The following JPH3 variants were observed in gnomAD, a reference collection of about 807,000 sequenced individuals.
The protein encoded by JPH3 is junctophilin 3, also known as junctophilin-3.
A neutral mutation model predicts 59.6 loss-of-function variants in JPH3; 11 were observed. The ratio of observed to expected loss-of-function variants is 0.18; its 90% CI spans 0.12 to 0.31. JPH3 has a LOEUF of 0.31. Among genes scored for constraint, JPH3 ranks in the 10% least tolerant of loss-of-function variants. The pLI, the probability that JPH3 is intolerant of heterozygous loss-of-function variation, is 1.00. For missense variants in JPH3, 1,202 were observed against 1,105.7 expected (o/e 1.09, Z -1.24); for synonymous variants, 673 against 483.6 (o/e 1.39, Z -5.14).
At position 87,642,436 on chromosome 16, in the gene JPH3, A is replaced by C. The variant is rs892278374; in HGVS notation, c.383-1822A>C. On this transcript the variant is annotated intron_variant, in intron 1 of 4. Transcript: ENST00000284262. ...CCTCATTTTTCAGGAGACAGAAGAG[A>C]GCTGAATTTTTATGTCAAATCTCTT... is the stretch of plus-strand genomic sequence containing the variant. Among the ~76,000 whole-genome samples, 18 of 152,310 alleles carry C rather than the reference A, an allele frequency of 1.2e-4. No individual in the cohort carries two copies. The East Asian group carries it at 3.5e-3, about 29-fold the overall frequency.
intron 2 of JPH3, among the ~76,000 whole-genome samples, chr16:87,672,370 C>G (rs1289035329): frequency 6.6e-6 from 1 of 152,202 alleles, no homozygotes; most frequent in Non-Finnish European, 1.5e-5. Flanking sequence ...CTCCCAGACC[C>G]CCGCTGAGGG....
intron 1 of JPH3, 74 bp from the exon 2 acceptor site, chr16:87,644,184 C>T: frequency 3.4e-6 from 5 of 1,462,438 alleles, no homozygotes; most frequent in Non-Finnish European, 3.7e-6. Flanking sequence ...GTGGCTGCTT[C>T]AACCCTGTCC....
intron 2 of JPH3, among the ~76,000 whole-genome samples, chr16:87,660,767 G>C (rs1484061572): frequency 6.6e-6 from 1 of 152,160 alleles, no homozygotes; most frequent in Non-Finnish European, 1.5e-5. Flanking sequence ...TGTAGGAGGG[G>C]GCACCTCCTC....
chr16:87,643,975 AAAT>A (rs2032043268), intron 1 of JPH3, among the ~76,000 whole-genome samples: 1 of 152,124 alleles, frequency 6.6e-6, no homozygotes, highest in East Asian at 1.9e-4. Flanking sequence ...CCATCTCTAC[AAAT>A]AATTTACAAA....
intron 2 of JPH3, among the ~76,000 whole-genome samples, chr16:87,664,113 C>T (rs546076934): frequency 1.3e-4 from 19 of 149,922 alleles, no homozygotes; most frequent in South Asian, 2.1e-4. Context: ...GGGTGGATCA[C>T]GAGGTCAGCA....
intron 1 of JPH3, among the ~76,000 whole-genome samples, chr16:87,641,318 TTGATGTTGATGGCAGTGAGGTTGCTTC>T (rs1478056611): frequency 1.9e-4 from 29 of 152,064 alleles, no homozygotes; most frequent in African/African-American, 6.0e-4. Context: ...GAGGTTGCTT[TTGATGTTGATGGCAGTGAGGTTGCTTC>T]TGATGTTGAT....
intron 1 of JPH3, among the ~76,000 whole-genome samples, chr16:87,617,736 A>G (rs2562068): frequency 0.91 from 138,476 of 152,072 alleles, 63,077 homozygotes; most frequent in East Asian, 1. Flanking sequence ...CAGGTGCAGG[A>G]GCTGAGAGTC....
At chr16:87,605,513 G>T in intron 1 of JPH3, among the ~76,000 whole-genome samples, 1 of 152,340 alleles carries the variant, frequency 6.6e-6, no homozygotes, top group Non-Finnish European at 1.5e-5. Context: ...CGGCGATTAT[G>T]TTGTGACTTT....
intron 2 of JPH3, among the ~76,000 whole-genome samples, chr16:87,664,375 C>T (rs560055985): frequency 3.3e-5 from 5 of 149,574 alleles, no homozygotes; most frequent in East Asian, 2.0e-4. Context: ...CGGTGGCTCA[C>T]GCAGTTTGGG....
intron 2 of JPH3, among the ~76,000 whole-genome samples, chr16:87,676,893 C>T (rs2033154008): frequency 6.6e-6 from 1 of 151,772 alleles, no homozygotes; most frequent in Admixed American, 6.6e-5. Context: ...AAAATTAGGC[C>T]AGGCGCGGTG....
intron 1 of JPH3, among the ~76,000 whole-genome samples, chr16:87,633,991 C>G (rs16943093): frequency 6.6e-6 from 1 of 151,974 alleles, no homozygotes; most frequent in African/African-American, 2.4e-5. Flanking sequence ...AACGGAGGAG[C>G]GACCCGAATA....
At chr16:87,672,387 A>G (rs2033040227) in intron 2 of JPH3, among the ~76,000 whole-genome samples, 1 of 152,110 alleles carries the variant, frequency 6.6e-6, no homozygotes, top group African/African-American at 2.4e-5. Context: ...AGGGTGGTAA[A>G]CACCCCAGCC....
At chr16:87,666,778 G>T (rs1472192789) in intron 2 of JPH3, among the ~76,000 whole-genome samples, 1 of 152,170 alleles carries the variant, frequency 6.6e-6, no homozygotes, top group Admixed American at 6.5e-5. Flanking sequence ...TAATTTAGCT[G>T]TCCCTGTACC....
At chr16:87,661,777 T>G (rs917250149) in intron 2 of JPH3, among the ~76,000 whole-genome samples, 1 of 152,212 alleles carries the variant, frequency 6.6e-6, no homozygotes, top group Non-Finnish European at 1.5e-5. Context: ...GGGCTTCGAC[T>G]TAGAAGGGGA....
At chr16:87,650,630 T>C (rs919474430) in intron 2 of JPH3, among the ~76,000 whole-genome samples, 2 of 152,286 alleles carry the variant, frequency 1.3e-5, no homozygotes, top group Middle Eastern at 3.4e-3. Context: ...GTTACTCCAG[T>C]GAATACATGA....
intron 1 of JPH3, among the ~76,000 whole-genome samples, chr16:87,634,062 G>T (rs2031651928): frequency 6.6e-6 from 1 of 152,174 alleles, no homozygotes; most frequent in Non-Finnish European, 1.5e-5. Context: ...GCAATGAATG[G>T]GGCTCCGTGC....
chr16:87,628,597 C>T (rs952721509), intron 1 of JPH3, among the ~76,000 whole-genome samples: 1 of 152,210 alleles, frequency 6.6e-6, no homozygotes, highest in Non-Finnish European at 1.5e-5. Flanking sequence ...AGCACCTGGG[C>T]AAGTGGCTTA....
At chr16:87,684,008 C>A in intron 2 of JPH3, 134 bp from the exon 3 acceptor site, 1 of 638,804 alleles carries the variant, frequency 1.6e-6, no homozygotes, top group African/African-American at 1.8e-5. Context: ...ATCCAGAAGT[C>A]TGAGGGTAAA....
At chr16:87,658,545 C>T (rs2032586846) in intron 2 of JPH3, among the ~76,000 whole-genome samples, 1 of 152,174 alleles carries the variant, frequency 6.6e-6, no homozygotes, top group South Asian at 2.1e-4. Context: ...TCCCCCTTCT[C>T]TCTCTCTCCC....
Sources: allele counts gnomAD v4.1 joint callset (sites outside exome capture counted in the v4.1 genomes callset), GRCh38; gene constraint gnomAD v4.1.1; transcripts MANE v1.5; gene names NCBI Gene and HGNC (gene_info 2026-07-23, HGNC 2026-07-21).